The following SPMAP1 variants were observed in gnomAD, a reference collection of about 807,000 sequenced individuals.
SPMAP1 encodes the protein sperm microtubule associated protein 1.
the SPMAP1 span, among the ~76,000 whole-genome samples, chr17:38,835,924 T>C: frequency 6.6e-6 from 1 of 152,224 alleles, no homozygotes; most frequent in East Asian, 1.9e-4. Context: ...TTTTTGTTTG[T>C]TTGTTTTTGA....
chr17:38,837,089 C>A, the SPMAP1 span: 1 of 1,312,906 alleles, frequency 7.6e-7, no homozygotes, highest in Non-Finnish European at 1.1e-6. Flanking sequence ...TCAACCAGGC[C>A]TTGCTATGGC....
chr17:38,841,229 T>C, the SPMAP1 span: 1 of 1,614,158 alleles, frequency 6.2e-7, no homozygotes, highest in South Asian at 1.1e-5. Flanking sequence ...ACTCTGGAAG[T>C]AGCTGCGGGC....
chr17:38,835,723 A>G, the SPMAP1 span, among the ~76,000 whole-genome samples: 96,342 of 152,052 alleles, frequency 0.63, 31,383 homozygotes, highest in East Asian at 0.76. Flanking sequence ...AGATCAATTG[A>G]GCCAAATGGC....
At chr17:38,835,118 T>C in the SPMAP1 span, 1 of 1,511,776 alleles carries the variant, frequency 6.6e-7, no homozygotes, top group Non-Finnish European at 9.1e-7. Context: ...TAACGTAAAA[T>C]AACACTAAGA....
At chr17:38,838,587 G>A in the SPMAP1 span, among the ~76,000 whole-genome samples, 1 of 151,644 alleles carries the variant, frequency 6.6e-6, no homozygotes, top group Non-Finnish European at 1.5e-5. Flanking sequence ...GCAATAGGGC[G>A]AGACTCCACC....
At chr17:38,837,276 G>A in the SPMAP1 span, 14 of 1,423,174 alleles carry the variant, frequency 9.8e-6, no homozygotes, top group Non-Finnish European at 1.4e-5. Flanking sequence ...CAAGAACACT[G>A]TCAGCCACAA....
the SPMAP1 span, among the ~76,000 whole-genome samples, chr17:38,836,843 G>A: frequency 6.6e-6 from 1 of 151,378 alleles, no homozygotes; most frequent in Non-Finnish European, 1.5e-5. Context: ...TGATCCACCC[G>A]CCTCAGCTCC....
the SPMAP1 span, among the ~76,000 whole-genome samples, chr17:38,840,234 G>A: frequency 6.6e-6 from 1 of 152,178 alleles, no homozygotes; most frequent in Non-Finnish European, 1.5e-5. Context: ...GGAGGAAGGC[G>A]TCTCGCCCTG....
chr17:38,838,591 C>T, the SPMAP1 span, among the ~76,000 whole-genome samples: 3 of 151,908 alleles, frequency 2.0e-5, no homozygotes, highest in Non-Finnish European at 4.4e-5. Flanking sequence ...TAGGGCGAGA[C>T]TCCACCTCAA....
chr17:38,836,075 C>A, the SPMAP1 span, among the ~76,000 whole-genome samples: 4 of 151,738 alleles, frequency 2.6e-5, no homozygotes, highest in Admixed American at 1.3e-4. Flanking sequence ...CCACCACGCC[C>A]GGCTAATTTT....
At chr17:38,837,474 C>T in the SPMAP1 span, among the ~76,000 whole-genome samples, 1 of 152,042 alleles carries the variant, frequency 6.6e-6, no homozygotes, top group Non-Finnish European at 1.5e-5. Flanking sequence ...GCCAGGAGTT[C>T]GAGACCAGCC....
At chr17:38,837,855 G>A in the SPMAP1 span, among the ~76,000 whole-genome samples, 1 of 151,968 alleles carries the variant, frequency 6.6e-6, no homozygotes, top group Non-Finnish European at 1.5e-5. Flanking sequence ...AGCTTCTCTG[G>A]GCCTCAGTTT....
chr17:38,837,216 C>T, the SPMAP1 span: 1 of 1,613,794 alleles, frequency 6.2e-7, no homozygotes. Context: ...ACTATCCAGC[C>T]ATCCCTTCCT....
the SPMAP1 span, among the ~76,000 whole-genome samples, chr17:38,840,432 G>C: frequency 6.6e-6 from 1 of 152,008 alleles, no homozygotes; most frequent in African/African-American, 2.4e-5. Flanking sequence ...CCTGGAATGA[G>C]TCTATTCTCA....
chr17:38,837,768 G>A, the SPMAP1 span, among the ~76,000 whole-genome samples: 11 of 152,084 alleles, frequency 7.2e-5, no homozygotes, highest in Non-Finnish European at 1.6e-4. Context: ...TGAAGGCTCA[G>A]TTTCTGCTGC....
the SPMAP1 span, among the ~76,000 whole-genome samples, chr17:38,839,904 TAC>T: frequency 0.94 from 143,450 of 152,164 alleles, 67,674 homozygotes; most frequent in East Asian, 1. Flanking sequence ...TTTGGGACTA[TAC>T]ACACACACAC....
chr17:38,839,467 C>CA, the SPMAP1 span, among the ~76,000 whole-genome samples: 87,960 of 124,684 alleles, frequency 0.71, 31,023 homozygotes, highest in Middle Eastern at 0.83. Flanking sequence ...GACCCTGTCT[C>CA]AAAAAAAAAA....
At chr17:38,836,524 C>G in the SPMAP1 span, among the ~76,000 whole-genome samples, 2 of 151,318 alleles carry the variant, frequency 1.3e-5, no homozygotes, top group Non-Finnish European at 2.9e-5. Flanking sequence ...TGCGCAAGCC[C>G]AGGAGGTCAA....
the SPMAP1 span, among the ~76,000 whole-genome samples, chr17:38,840,755 G>A: frequency 6.6e-6 from 1 of 151,714 alleles, no homozygotes. Context: ...GCAGTGAGCC[G>A]TGATGGCACC....
Sources: gnomAD v4.1 joint callset for allele counts (sites outside exome capture counted in the v4.1 genomes callset) on GRCh38, gnomAD v4.1.1 for gene constraint, MANE v1.5 for transcripts, NCBI Gene and HGNC (gene_info 2026-07-23, HGNC 2026-07-21) for gene names.